AGBL1: variants seen among roughly 807,000 people sequenced by gnomAD.
AGBL1 encodes AGBL carboxypeptidase 1.
AGBL1 carries 130 observed loss-of-function variants against 118.9 expected under a neutral mutation model. That is an observed-to-expected ratio of 1.09 (90% CI 0.95 to 1.26). The LOEUF is 1.26. Ranked by LOEUF, AGBL1 falls within the 50% of genes most tolerant of loss-of-function variation. AGBL1 has a pLI of 0.00. For missense variants in AGBL1, 1,584 were observed against 1,298.1 expected, an observed-to-expected ratio of 1.22 and a Z score of -3.38; for synonymous variants, 555 against 478.9, an observed-to-expected ratio of 1.16 and a Z score of -2.08.
At chr15:86,896,142 C>A (rs1294479083) in intron 22 of AGBL1, among the ~76,000 whole-genome samples, 1 of 151,880 alleles carries the variant, frequency 6.6e-6, no homozygotes, top group South Asian at 2.1e-4. Flanking sequence ...CCAAAAAAAT[C>A]TTTTTCTTTC....
chr15:86,466,633 T>C (rs1435407686), intron 18 of AGBL1, among the ~76,000 whole-genome samples: 1 of 152,260 alleles, frequency 6.6e-6, no homozygotes, highest in East Asian at 1.9e-4. Context: ...CATGGATTTA[T>C]CTACCTTTGG....
At chr15:86,677,499 T>C (rs933718487) in intron 22 of AGBL1, among the ~76,000 whole-genome samples, 1 of 152,218 alleles carries the variant, frequency 6.6e-6, no homozygotes, top group African/African-American at 2.4e-5. Context: ...TTATCCATTG[T>C]GACAGGTCTT....
intron 23 of AGBL1, among the ~76,000 whole-genome samples, chr15:86,961,275 G>C (rs2080990128): frequency 6.6e-6 from 1 of 151,912 alleles, no homozygotes; most frequent in African/African-American, 2.4e-5. Flanking sequence ...TGCAACCTCT[G>C]TTAGGAGTAC....
intron 18 of AGBL1, among the ~76,000 whole-genome samples, chr15:86,434,975 G>A (rs182668771): frequency 1.4e-4 from 21 of 152,322 alleles, no homozygotes; most frequent in Non-Finnish European, 2.9e-5. Flanking sequence ...AAATTAGGGT[G>A]TGTGTCCAAT....
chr15:86,090,229 C>A (rs757468287), intron 1 of AGBL1, among the ~76,000 whole-genome samples: 1 of 152,138 alleles, frequency 6.6e-6, no homozygotes, highest in Admixed American at 6.5e-5. Flanking sequence ...TTCCATTCAC[C>A]AGTCTACAGC....
At chr15:86,116,608 C>T (rs990252240) in intron 1 of AGBL1, 4 of 152,354 alleles carry the variant, frequency 2.6e-5, no homozygotes, top group African/African-American at 4.8e-5. Context: ...GGACATTGGA[C>T]ACTTACTCTC....
intron 17 of AGBL1, among the ~76,000 whole-genome samples, chr15:86,365,080 C>CAT (rs1022810542): frequency 1.4e-5 from 2 of 145,578 alleles, no homozygotes; most frequent in Non-Finnish European, 1.5e-5. Context: ...TACACACACA[C>CAT]ATATATATAA....
chr15:86,224,914 G>A lies in AGBL1; in HGVS notation c.489G>A (p.Arg163=), dbSNP rs773202906. Residue 163 remains arginine (R), a splice_region_variant and synonymous_variant, in exon 6 of 23, where the codon AGG becomes AGA. Coordinates refer to ENST00000614907, the MANE Select transcript of AGBL1 (RefSeq NM_001386094.1). ...PYTRKRTQAI[R]AATEVLAALL... is the part of the protein sequence containing the mutation. ...GTTACTTTTCTTTCTCTTTCCCCAG[G>A]GCAGCCACTGAAGTTTTGGCAGCAT... The A allele has an allele frequency of 1.2e-6, 2 of 1,613,156 alleles. No individual in the cohort carries two copies. Among genetic ancestry groups the A allele is most frequent in the Non-Finnish European group, 1.7e-6 (2 of 1,179,498 alleles).
At chr15:86,616,392 G>T (rs868624938) in intron 21 of AGBL1, among the ~76,000 whole-genome samples, 2 of 150,154 alleles carry the variant, frequency 1.3e-5, no homozygotes, top group South Asian at 2.1e-4. Flanking sequence ...AAAACTTGTC[G>T]TTGGATTAGA....
At chr15:86,447,609 A>G (rs1362089811) in intron 18 of AGBL1, among the ~76,000 whole-genome samples, 1 of 152,216 alleles carries the variant, frequency 6.6e-6, no homozygotes, top group Non-Finnish European at 1.5e-5. Flanking sequence ...CACCTGATAC[A>G]AATAGCCACA....
chr15:86,570,246 T>A (rs558678885), intron 21 of AGBL1, among the ~76,000 whole-genome samples: 8 of 151,788 alleles, frequency 5.3e-5, no homozygotes, highest in Admixed American at 3.9e-4. Context: ...CTGGGGGAGG[T>A]CCCCAAACAC....
At chr15:86,735,175 G>A (rs1382148311) in intron 22 of AGBL1, among the ~76,000 whole-genome samples, 1 of 152,014 alleles carries the variant, frequency 6.6e-6, no homozygotes, top group African/African-American at 2.4e-5. Context: ...TCCGCCTCCT[G>A]GGTTTCAGAG....
intron 1 of AGBL1, among the ~76,000 whole-genome samples, chr15:86,092,944 A>G (rs748771579): frequency 1.3e-5 from 2 of 152,154 alleles, no homozygotes; most frequent in Admixed American, 6.5e-5. Context: ...ATACAATTGC[A>G]TTGGGGATTA....
intron 22 of AGBL1, among the ~76,000 whole-genome samples, chr15:86,819,049 A>T (rs552247834): frequency 4.9e-4 from 74 of 152,180 alleles, no homozygotes; most frequent in Non-Finnish European, 7.5e-4. Context: ...GCCTTTTTCT[A>T]ACAGCATTTT....
At chr15:86,087,332 C>CTTTTTTTTTT (rs565797859) in intron 1 of AGBL1, among the ~76,000 whole-genome samples, 1 of 135,520 alleles carries the variant, frequency 7.4e-6, no homozygotes. Context: ...ATTTAATGGG[C>CTTTTTTTTTT]TTTTTTTTTT....
At chr15:86,564,473 G>A (rs2083881579) in intron 21 of AGBL1, among the ~76,000 whole-genome samples, 1 of 152,170 alleles carries the variant, frequency 6.6e-6, no homozygotes, top group African/African-American at 2.4e-5. Flanking sequence ...CTCTCTTCTG[G>A]CTTGTAGAGT....
chr15:86,478,545 A>G (rs1468395202), intron 18 of AGBL1, among the ~76,000 whole-genome samples: 1 of 152,182 alleles, frequency 6.6e-6, no homozygotes, highest in Non-Finnish European at 1.5e-5. Context: ...GGACCTCTTC[A>G]GGGAGAACTA....
intron 18 of AGBL1, among the ~76,000 whole-genome samples, chr15:86,504,419 AT>A (rs934414378): frequency 2.6e-5 from 4 of 151,582 alleles, no homozygotes; most frequent in African/African-American, 9.6e-5. Context: ...ATAATTACTG[AT>A]TTTAAAAAAG....
At chr15:86,426,646 G>A (rs1376342366) in intron 18 of AGBL1, among the ~76,000 whole-genome samples, 1 of 152,250 alleles carries the variant, frequency 6.6e-6, no homozygotes, top group African/African-American at 2.4e-5. Context: ...CTGTTCTGCT[G>A]TAAGAATACA....
Sources: allele counts gnomAD v4.1 joint callset (sites outside exome capture counted in the v4.1 genomes callset), GRCh38; gene constraint gnomAD v4.1.1; transcripts MANE v1.5; gene names NCBI Gene and HGNC (gene_info 2026-07-23, HGNC 2026-07-21).